Variants in C10orf71 observed in about 807,000 individuals in gnomAD.
C10orf71 encodes cardiac-enriched FHL2-interacting protein.
For synonymous variants in C10orf71, 758 were observed against 726.3 expected (o/e 1.04, Z -0.70); for missense variants, 1,869 against 1,804.5 (o/e 1.04, Z -0.65).
Position 49,322,759 on chromosome 10 carries a change from G to A in C10orf71, c.214G>A (p.Val72Met). The change falls in exon 3 of 3, where the codon GTG becomes ATG. Residue 72 changes from valine to methionine, a missense_variant. By Grantham distance (21) the Val-to-Met change is conservative. Coordinates refer to ENST00000374144, the MANE Select transcript of C10orf71 (RefSeq NM_001135196.2). ...GTTTGGGACTTTTCACCAGAGAACA[G>A]TGGGCCACACCCAGAGGAAAAGTGG... ...QVFGTFHQRTVGHTQRKSGIW... is the reference protein window; with the variant it reads ...QVFGTFHQRTMGHTQRKSGIW... 7 of 1,613,758 alleles carry A rather than the reference G, an allele frequency of 4.3e-6. No individual in the cohort carries two copies. The highest frequency in any genetic ancestry group is 5.1e-6 in the Non-Finnish European group (6 of 1,179,650).
intron 1 of C10orf71, among the ~76,000 whole-genome samples, chr10:49,306,455 C>T (rs1372888811): frequency 6.6e-6 from 1 of 152,378 alleles, no homozygotes; most frequent in East Asian, 1.9e-4. Context: ...TATTTGATGA[C>T]TCTCATGTCA....
At position 49,324,701 on chromosome 10, in the gene C10orf71, T is replaced by C. The variant is rs778116794; in HGVS notation, c.2156T>C (p.Met719Thr). The change falls in exon 3 of 3, where the codon ATG becomes ACG. Residue 719 changes from methionine to threonine, a missense_variant. Physicochemically the swap from Met to Thr is moderately conservative, Grantham distance 81 (BLOSUM62 -1). Transcript: ENST00000374144. ...VFYSDSQSDFMPSLKGKAKFS... is the reference protein window; with the variant it reads ...VFYSDSQSDFTPSLKGKAKFS... Reference sequence around the variant, plus strand: ...TACAGTGACAGCCAATCCGATTTTATGCCAAGCCTCAAAGGTAAGGCCAAA... The same window carrying C: ...TACAGTGACAGCCAATCCGATTTTACGCCAAGCCTCAAAGGTAAGGCCAAA... 1.4e-5 allele frequency: 23 copies of C among 1,604,364 alleles called. No homozygotes were observed. In the East Asian group the frequency reaches 4.7e-4, roughly 33 times the overall value.
Position 49,325,484 on chromosome 10 carries a change from T to A in C10orf71, c.2939T>A (p.Leu980His), listed in dbSNP as rs1412818550. ...GCACCACCAGATGCTGCACCTGGCC[T>A]CGTGGCAAGCAATTGCAAGAGCGGT... The part of the protein sequence containing the change: ...VKAPPDAAPG[L>H]VASNCKSGSA... Residue 980 changes from leucine (L) to histidine (H), a missense_variant, in exon 3 of 3, where the codon CTC (leucine) becomes CAC (histidine). Coordinates refer to ENST00000374144, the MANE Select transcript of C10orf71 (RefSeq NM_001135196.2). 3 of 1,550,522 alleles carry A rather than the reference T, an allele frequency of 1.9e-6. No homozygotes were observed. The highest frequency in any genetic ancestry group is 2.6e-6 in the Non-Finnish European group (3 of 1,146,246).
chr10:49,298,179 G>A (rs1200050459), upstream of C10orf71, among the ~76,000 whole-genome samples: 1 of 152,238 alleles, frequency 6.6e-6, no homozygotes, highest in African/African-American at 2.4e-5. Context: ...AGAGCCCACA[G>A]GGGCAGAAGG....
Position 49,325,956 on chromosome 10 carries a change from C to G in C10orf71, c.3411C>G (p.Leu1137=), listed in dbSNP as rs759764174. The G allele has an allele frequency of 1.9e-5, 29 of 1,551,556 alleles. No homozygotes were observed. Among genetic ancestry groups the G allele is most frequent in the Non-Finnish European group, 2.4e-5 (28 of 1,146,984 alleles). Residue 1137 remains leucine (L), a synonymous_variant, in exon 3 of 3, where the codon CTC becomes CTG. Coordinates refer to ENST00000374144, the MANE Select transcript of C10orf71 (RefSeq NM_001135196.2). The part of the protein sequence containing the change: ...LELSAEDLRT[L]SPRGSLLDVA... The stretch of plus-strand genomic sequence containing the variant: ...TGTCGGCAGAAGACCTCCGGACCCT[C>G]TCTCCAAGAGGTTCATTGCTGGATG...
At chr10:49,312,348 T>A (rs1050865779) in intron 1 of C10orf71, among the ~76,000 whole-genome samples, 6 of 152,220 alleles carry the variant, frequency 3.9e-5, no homozygotes, top group Non-Finnish European at 8.8e-5. Flanking sequence ...CTCCATCTGA[T>A]GCAAGTTTGG....
At chr10:49,297,803 C>T (rs1451823593), upstream of C10orf71, among the ~76,000 whole-genome samples, 2 of 152,174 alleles carry the variant, frequency 1.3e-5, no homozygotes, top group African/African-American at 4.8e-5. Flanking sequence ...GACCTTTTGG[C>T]ATGCGTTTGT....
intron 1 of C10orf71, among the ~76,000 whole-genome samples, chr10:49,302,285 G>T (rs1456251404): frequency 3.9e-5 from 6 of 152,192 alleles, no homozygotes; most frequent in Admixed American, 3.9e-4. Flanking sequence ...CCATGTCCCG[G>T]GTTGCCAAGC....
At chr10:49,301,973 G>T (rs1018611416) in intron 1 of C10orf71, among the ~76,000 whole-genome samples, 3 of 152,116 alleles carry the variant, frequency 2.0e-5, no homozygotes, top group Non-Finnish European at 4.4e-5. Flanking sequence ...GCCTCAGTTA[G>T]TCCCTTCTTT....
rs1564692884 is a variant in C10orf71 at position 49,325,597 on chromosome 10, T to C, written c.3052T>C (p.Trp1018Arg). The C allele has an allele frequency of 6.4e-7, 1 of 1,552,016 alleles. No homozygotes were observed. ...EGDIEDQPPP[W>R]QPENCWEEQT... ...TGACATAGAAGACCAGCCACCCCCATGGCAGCCCGAAAACTGTTGGGAAGA... is the reference window on the plus strand; with the variant it reads ...TGACATAGAAGACCAGCCACCCCCACGGCAGCCCGAAAACTGTTGGGAAGA... The change falls in exon 3 of 3, where the codon TGG becomes CGG. Residue 1018 changes from tryptophan (W) to arginine (R), a missense_variant. Trp to Arg is a moderately radical substitution (Grantham distance 101, BLOSUM62 -3). Coordinates refer to ENST00000374144, the MANE Select transcript of C10orf71 (RefSeq NM_001135196.2).
Position 49,299,945 on chromosome 10 carries a change from C to G in C10orf71, c.-248+712C>G, listed in dbSNP as rs539572321. 1.1e-4 allele frequency among the ~76,000 whole-genome samples: 17 copies of G among 152,318 alleles called. No individual in the cohort carries two copies. The East Asian group carries it at 3.1e-3, about 28-fold the overall frequency. On this transcript the variant is annotated intron_variant, in intron 1 of 2. Coordinates refer to ENST00000374144, the MANE Select transcript of C10orf71 (RefSeq NM_001135196.2). ...GCATGTGTGTCCCCAAAACAAAGCC[C>G]GCCACAGGCTGCCTGTTCTTACACA...
intron 1 of C10orf71, among the ~76,000 whole-genome samples, chr10:49,300,461 C>CAAAAAAA (rs60669434): frequency 1.8e-5 from 2 of 108,580 alleles, no homozygotes; most frequent in East Asian, 2.6e-4. Flanking sequence ...CAATTTAATA[C>CAAAAAAA]AAAAAAAAAA....
Position 49,322,860 on chromosome 10 carries a change from C to T in C10orf71, c.315C>T (p.Tyr105=), listed in dbSNP as rs771107033. 1.1e-5 allele frequency: 17 copies of T among 1,613,846 alleles called. No individual in the cohort carries two copies. Among genetic ancestry groups the T allele is most frequent in the African/African-American group, 4.0e-5 (3 of 74,904 alleles). Residue 105 remains tyrosine (Y), a synonymous_variant, in exon 3 of 3, where the codon TAC becomes TAT. Coordinates refer to ENST00000374144, the MANE Select transcript of C10orf71 (RefSeq NM_001135196.2). The part of the protein sequence containing the change: ...WAATFQQLPK[Y]VQGEEKYPKT... Reference sequence around the variant, plus strand: ...CCACCTTCCAACAGCTACCCAAGTACGTTCAGGGAGAGGAAAAGTACCCCA... The same window carrying T: ...CCACCTTCCAACAGCTACCCAAGTATGTTCAGGGAGAGGAAAAGTACCCCA...
chr10:49,307,586 T>A (rs1848837101), intron 1 of C10orf71, among the ~76,000 whole-genome samples: 1 of 152,222 alleles, frequency 6.6e-6, no homozygotes, highest in Non-Finnish European at 1.5e-5. Flanking sequence ...CGGAGCCTGC[T>A]GGGATGCAGA....
At chr10:49,301,275 T>C (rs968625174) in intron 1 of C10orf71, among the ~76,000 whole-genome samples, 4 of 152,246 alleles carry the variant, frequency 2.6e-5, no homozygotes, top group African/African-American at 9.6e-5. Flanking sequence ...CCATCGAGGC[T>C]GGAGTGGATT....
At position 49,327,093 on chromosome 10, in the gene C10orf71, C is replaced by A; in HGVS notation, c.*240C>A. On this transcript the variant is annotated 3_prime_UTR_variant, in exon 3 of 3. Transcript: ENST00000374144. ...GGGGCACTGCTTGCTTGGCCCGGTC[C>A]CCTCCGTGCCAGTTCCCAGGCGCAC... 1 of 1,406,982 alleles carries A rather than the reference C, an allele frequency of 7.1e-7. No homozygotes were observed. Among genetic ancestry groups the A allele is most frequent in the East Asian group, 3.0e-5 (1 of 33,282 alleles). 87.2% of individuals were successfully genotyped at this position (1,406,982 alleles called of 1,614,324 possible).
chr10:49,308,451 G>C (rs1436660798), intron 1 of C10orf71, among the ~76,000 whole-genome samples: 1 of 152,296 alleles, frequency 6.6e-6, no homozygotes, highest in East Asian at 1.9e-4. Context: ...AGCCAGGCCA[G>C]GCTGCAGGCT....
chr10:49,305,673 C>T lies in C10orf71; in HGVS notation c.-248+6440C>T, dbSNP rs1022475537. The stretch of plus-strand genomic sequence containing the variant: ...GCCCAGCCCATGGACCTGCCACCAG[C>T]GGGTGGGGTCTCCTCCCCTCCCCAA... On this transcript the variant is annotated intron_variant, in intron 1 of 2. Coordinates refer to ENST00000374144, the MANE Select transcript of C10orf71 (RefSeq NM_001135196.2). 1.3e-4 allele frequency among the ~76,000 whole-genome samples: 20 copies of T among 152,304 alleles called. No individual in the cohort carries two copies. The Middle Eastern group carries it at 0.01, about 78-fold the overall frequency.
chr10:49,323,322 G>T lies in C10orf71; in HGVS notation c.777G>T (p.Thr259=). Residue 259 remains threonine, a synonymous_variant, in exon 3 of 3, where the codon ACG becomes ACT. Coordinates refer to ENST00000374144, the MANE Select transcript of C10orf71 (RefSeq NM_001135196.2). ...CCTCTCCACACCACAAGCCAGTCAC[G>T]GGTGAGCCTGGGAGAGGCAAAGGTA... The part of the protein sequence containing the change: ...KFPSPHHKPV[T]GEPGRGKGTF... 1 of 1,613,780 alleles carries T rather than the reference G, an allele frequency of 6.2e-7. No individual in the cohort carries two copies. Among genetic ancestry groups the T allele is most frequent in the South Asian group, 1.1e-5 (1 of 91,052 alleles).
Sources: allele counts gnomAD v4.1 joint callset (sites outside exome capture counted in the v4.1 genomes callset), GRCh38; gene constraint gnomAD v4.1.1; transcripts MANE v1.5; gene names NCBI Gene and HGNC (gene_info 2026-07-23, HGNC 2026-07-21).